STK24: variants seen among roughly 807,000 people sequenced by gnomAD.
The protein encoded by STK24 is serine/threonine-protein kinase 24.
A neutral mutation model predicts 55.6 loss-of-function variants in STK24; 21 were observed. The observed-to-expected ratio is 0.38, with a 90% confidence interval of 0.27 to 0.54. STK24 has a LOEUF of 0.54. Ranked by LOEUF, STK24 falls within the 20% of genes least tolerant of loss-of-function variation. The probability of loss-of-function intolerance (pLI) is 0.79; values close to 1 mark genes in which losing one functional copy is unlikely to be tolerated. For missense variants in STK24, 383 were observed against 538.4 expected (o/e 0.71, Z 2.86); for synonymous variants, 200 against 215.2 (o/e 0.93, Z 0.62).
chr13:98,453,078 C>T lies in STK24; in HGVS notation c.*95G>A, dbSNP rs1020097832. 1.6e-5 allele frequency: 24 copies of T among 1,456,286 alleles called. No individual in the cohort carries two copies. Among genetic ancestry groups the T allele is most frequent in the South Asian group, 2.4e-5 (2 of 84,898 alleles). 90.2% of individuals were successfully genotyped at this position (1,456,286 alleles called of 1,614,324 possible). On this transcript the variant is annotated 3_prime_UTR_variant, in exon 11 of 11. Transcript: ENST00000539966. Reference sequence around the variant, plus strand: ...GGTGGCTCCCAGTGGCGCACCTCTTCGGTGGAGTCAGCGAAGGCTCTCGTT... The same window carrying T: ...GGTGGCTCCCAGTGGCGCACCTCTTTGGTGGAGTCAGCGAAGGCTCTCGTT...
intron 2 of STK24, among the ~76,000 whole-genome samples, chr13:98,491,044 A>C (rs996986010): frequency 6.6e-6 from 1 of 152,132 alleles, no homozygotes; most frequent in African/African-American, 2.4e-5. Context: ...GTGGAGAGGG[A>C]AGCACTGGTT....
chr13:98,536,365 T>A (rs907313058), intron 1 of STK24, among the ~76,000 whole-genome samples: 3 of 151,896 alleles, frequency 2.0e-5, no homozygotes, highest in African/African-American at 7.3e-5. Context: ...TCTATCTTTT[T>A]TTTTTTTTCT....
Position 98,474,962 on chromosome 13 carries a change from C to G in STK24, c.456G>C (p.Leu152=), listed in dbSNP as rs564643365. 3.7e-6 allele frequency: 6 copies of G among 1,612,734 alleles called. No homozygotes were observed. The highest frequency in any genetic ancestry group is 2.2e-5 in the East Asian group (1 of 44,882). ...CCAGCTTCACCTCGCCATGCTCAGA[C>G]AGCAGGACGTTGGCCGCTGCAAAAG... The part of the protein sequence containing the change: ...HRDIKAANVL[L]SEHGEVKLAD... Residue 152 remains leucine, a synonymous_variant, in exon 5 of 11, where the codon CTG becomes CTC. Coordinates refer to ENST00000539966, the MANE Select transcript of STK24 (RefSeq NM_001032296.4).
rs2139227983 is a variant in STK24, at chr13:98,452,965, G to A, written c.*208C>T. On this transcript the variant is annotated 3_prime_UTR_variant, in exon 11 of 11. Transcript: ENST00000539966. ...TAAAATAAAATGATCGCTGGAAGGA[G>A]CTGACCCTCCCCACCCATCTGAGAG... 1 of 482,018 alleles carries A rather than the reference G, an allele frequency of 2.1e-6. No individual in the cohort carries two copies. Among genetic ancestry groups the A allele is most frequent in the Non-Finnish European group, 3.7e-6 (1 of 273,422 alleles). The allele number at this position is 482,018 out of a possible 1,614,324, so 29.9% of individuals were successfully genotyped here.
intron 1 of STK24, among the ~76,000 whole-genome samples, chr13:98,561,977 CAAAAAA>C (rs10564690): frequency 5.6e-5 from 3 of 53,620 alleles, no homozygotes; most frequent in Non-Finnish European, 7.2e-5. Context: ...GACTCCGTCT[CAAAAAA>C]AAAAAAAAAA....
intron 2 of STK24, among the ~76,000 whole-genome samples, chr13:98,492,432 G>T (rs1245477553): frequency 1.3e-5 from 2 of 152,204 alleles, no homozygotes; most frequent in African/African-American, 2.4e-5. Flanking sequence ...TTTTGGAAAT[G>T]AGTATGTGAT....
At chr13:98,459,967 A>C (rs1270219453) in intron 9 of STK24, among the ~76,000 whole-genome samples, 1 of 152,228 alleles carries the variant, frequency 6.6e-6, no homozygotes, top group Non-Finnish European at 1.5e-5. Flanking sequence ...GACTTCAGTG[A>C]AACATGTGGC....
chr13:98,517,404 T>A (rs1896104382), intron 2 of STK24, among the ~76,000 whole-genome samples: 1 of 152,116 alleles, frequency 6.6e-6, no homozygotes, highest in African/African-American at 2.4e-5. Context: ...GGCAGGTGGA[T>A]CACCTGAGGT....
At chr13:98,499,122 C>A (rs1895351794) in intron 2 of STK24, among the ~76,000 whole-genome samples, 1 of 152,080 alleles carries the variant, frequency 6.6e-6, no homozygotes, top group Admixed American at 6.5e-5. Context: ...GGTGCAATCC[C>A]AGCTACTCGG....
At chr13:98,518,855 C>G (rs567024195) in intron 2 of STK24, among the ~76,000 whole-genome samples, 2 of 152,176 alleles carry the variant, frequency 1.3e-5, no homozygotes, top group African/African-American at 4.8e-5. Flanking sequence ...TTAAATTAAA[C>G]CACAGCTGGT....
chr13:98,475,600 C>G (rs886850920), intron 3 of STK24, among the ~76,000 whole-genome samples: 3 of 152,192 alleles, frequency 2.0e-5, no homozygotes, highest in South Asian at 4.1e-4. Context: ...CAAAGAGGAG[C>G]CAATGAGGAA....
chr13:98,470,501 T>C (rs1894101439), intron 5 of STK24, among the ~76,000 whole-genome samples: 1 of 152,160 alleles, frequency 6.6e-6, no homozygotes, highest in South Asian at 2.1e-4. Flanking sequence ...TAAAATGAGG[T>C]GGAAGGAGAG....
At chr13:98,571,071 T>A (rs1429613894) in intron 1 of STK24, among the ~76,000 whole-genome samples, 5 of 152,152 alleles carry the variant, frequency 3.3e-5, no homozygotes, top group African/African-American at 7.2e-5. Context: ...CTCTGAATCA[T>A]CGGGAGTAAT....
At chr13:98,551,052 C>A (rs952819530) in intron 1 of STK24, among the ~76,000 whole-genome samples, 3 of 151,874 alleles carry the variant, frequency 2.0e-5, no homozygotes, top group Admixed American at 6.6e-5. Flanking sequence ...TTTGGGAGGC[C>A]GAGGTGGGTG....
rs1408016513 is a variant in STK24 at position 98,451,896 on chromosome 13, A to G, written c.*1277T>C. The G allele has an allele frequency of 6.6e-6, 1 of 152,208 alleles. No individual in the cohort carries two copies. Among genetic ancestry groups the G allele is most frequent in the Non-Finnish European group, 1.5e-5 (1 of 68,072 alleles). 9.4% of individuals were successfully genotyped at this position (152,208 alleles called of 1,614,324 possible). A position where few individuals can be genotyped will look rare whatever the true frequency, so the allele number is the denominator to read the frequency against. ...AAGCATAGGCCCCTTCCAGAGAAGCAAAATAACTCTTAAGGTCCCCGGCAA... is the reference window on the plus strand; with the variant it reads ...AAGCATAGGCCCCTTCCAGAGAAGCGAAATAACTCTTAAGGTCCCCGGCAA... On this transcript the variant is annotated 3_prime_UTR_variant, in exon 11 of 11. Transcript: ENST00000539966.
intron 2 of STK24, among the ~76,000 whole-genome samples, chr13:98,498,770 C>T (rs1594613799): frequency 6.6e-6 from 1 of 152,172 alleles, no homozygotes; most frequent in South Asian, 2.1e-4. Flanking sequence ...CTGCCCATGT[C>T]CTCCTGTCTG....
At chr13:98,538,471 C>T (rs559382434) in intron 1 of STK24, among the ~76,000 whole-genome samples, 1 of 152,028 alleles carries the variant, frequency 6.6e-6, no homozygotes, top group South Asian at 2.1e-4. Context: ...GTGATCCTCC[C>T]GCCTTGGCCT....
intron 3 of STK24, among the ~76,000 whole-genome samples, chr13:98,480,034 G>C (rs575072457): frequency 1.3e-5 from 2 of 152,258 alleles, no homozygotes; most frequent in South Asian, 4.1e-4. Context: ...TCACCCGTGA[G>C]GGTCTCCATT....
intron 3 of STK24, among the ~76,000 whole-genome samples, chr13:98,481,931 G>C (rs1894598315): frequency 6.6e-6 from 1 of 152,036 alleles, no homozygotes; most frequent in African/African-American, 2.4e-5. Flanking sequence ...GCCAGGTGTG[G>C]TGGCATGCAC....
Sources: gnomAD v4.1 joint callset for allele counts (sites outside exome capture counted in the v4.1 genomes callset) on GRCh38, gnomAD v4.1.1 for gene constraint, MANE v1.5 for transcripts, NCBI Gene and HGNC (gene_info 2026-07-23, HGNC 2026-07-21) for gene names.